VTI1A: variants seen among roughly 807,000 people sequenced by gnomAD.
VTI1A encodes the protein vesicle transport through interaction with t-SNAREs homolog 1A.
Under a neutral mutation model 34.9 loss-of-function variants are expected in VTI1A, and 22 were observed. The observed-to-expected ratio is 0.63, with a 90% CI of 0.45 to 0.90. VTI1A has a LOEUF of 0.90. Among genes scored for constraint, VTI1A ranks in the 40% least tolerant of loss-of-function variants. The pLI is 0.00. For missense variants in VTI1A, 268 were observed against 275.6 expected, an observed-to-expected ratio of 0.97 and a Z score of 0.20; for synonymous variants, 87 against 97.3, an observed-to-expected ratio of 0.89 and a Z score of 0.62.
intron 5 of VTI1A, among the ~76,000 whole-genome samples, chr10:112,571,776 T>TGTATAC (rs1852132985): frequency 1.3e-5 from 2 of 152,252 alleles, no homozygotes; most frequent in South Asian, 4.2e-4. Context: ...GAAAAGATGG[T>TGTATAC]GTATACGTAC....
intron 7 of VTI1A, among the ~76,000 whole-genome samples, chr10:112,763,438 CAAA>C (rs397714967): frequency 1.8e-5 from 2 of 108,976 alleles, no homozygotes; most frequent in Non-Finnish European, 3.8e-5. Flanking sequence ...GACACCATCT[CAAA>C]AAAAAAAAAA....
chr10:112,777,430 G>A (rs902194870), intron 7 of VTI1A, among the ~76,000 whole-genome samples: 1 of 152,184 alleles, frequency 6.6e-6, no homozygotes, highest in East Asian at 1.9e-4. Context: ...CAGGTGGGAG[G>A]ATGGAGACAG....
chr10:112,835,120 G>T, the VTI1A span, among the ~76,000 whole-genome samples: 1 of 152,120 alleles, frequency 6.6e-6, no homozygotes, highest in Non-Finnish European at 1.5e-5. Flanking sequence ...CTCATCTGGG[G>T]CTTGCTGCCC....
At chr10:112,798,965 A>C (rs1852772946) in intron 7 of VTI1A, among the ~76,000 whole-genome samples, 1 of 152,104 alleles carries the variant, frequency 6.6e-6, no homozygotes. Context: ...GGGGCTGCAG[A>C]TGTGTGGTCC....
chr10:112,508,807 C>A (rs935839539), intron 3 of VTI1A, among the ~76,000 whole-genome samples: 22 of 152,324 alleles, frequency 1.4e-4, no homozygotes, highest in Middle Eastern at 3.4e-3. Context: ...TATACAAGTA[C>A]TTTCTCCTGT....
chr10:112,545,946 A>G (rs898878668), intron 5 of VTI1A, among the ~76,000 whole-genome samples: 3 of 151,106 alleles, frequency 2.0e-5, no homozygotes, highest in African/African-American at 7.3e-5. Context: ...TTTTGCATGT[A>G]TATGTGTGTG....
At chr10:112,798,996 C>CT (rs1852775095) in intron 7 of VTI1A, among the ~76,000 whole-genome samples, 1 of 152,320 alleles carries the variant, frequency 6.6e-6, no homozygotes, top group Non-Finnish European at 1.5e-5. Flanking sequence ...TCTGCTTATG[C>CT]TTCTCGTGAG....
At position 112,680,272 on chromosome 10, in the gene VTI1A, CT is replaced by C. The variant is rs1462581240; in HGVS notation, c.560+11276del. Among the ~76,000 whole-genome samples, 4 of 152,196 alleles carry C rather than the reference CT, an allele frequency of 2.6e-5. No homozygotes were observed. The East Asian group carries it at 7.7e-4, about 29-fold the overall frequency. On this transcript the variant is annotated intron_variant, in intron 7 of 7. Transcript: ENST00000393077. ...CAGAACAATTACATTTATATGGGAC[CT>C]TATGGTTTGTAAGACACAGTCACAT...
chr10:112,838,262 G>T, the VTI1A span, among the ~76,000 whole-genome samples: 1 of 152,228 alleles, frequency 6.6e-6, no homozygotes, highest in Non-Finnish European at 1.5e-5. Context: ...GGAGGGCCTG[G>T]GACAGACCTC....
In VTI1A at chr10:112,645,944, T is replaced by G. The variant is rs570691776; in HGVS notation, c.428-22274T>G. ...AAGAAAGAACACCAATATACTGTGT[T>G]TTTTTTTTTTTTTTGGTTACCTGAT... On this transcript the variant is annotated intron_variant, in intron 5 of 7. Transcript: ENST00000393077. Among the ~76,000 whole-genome samples the G allele has an allele frequency of 9.8e-5, 11 of 112,528 alleles. No homozygotes were observed. The South Asian group carries it at 2.5e-3, about 26-fold the overall frequency. The allele number at this position is 112,528 out of a possible 152,430, so 73.8% of individuals were successfully genotyped here. A position where few individuals can be genotyped will look rare whatever the true frequency, so the allele number is the denominator to read the frequency against.
chr10:112,774,534 G>C (rs920036960), intron 7 of VTI1A, among the ~76,000 whole-genome samples: 1 of 152,118 alleles, frequency 6.6e-6, no homozygotes, highest in African/African-American at 2.4e-5. Flanking sequence ...GGCTTAGGCA[G>C]TAAATTAATC....
At position 112,805,855 on chromosome 10, in the gene VTI1A, A is replaced by G. The variant is rs1853054965; in HGVS notation, c.561-9435A>G. Among the ~76,000 whole-genome samples the G allele has an allele frequency of 3.9e-5, 6 of 152,184 alleles. No individual in the cohort carries two copies. In the South Asian group the frequency reaches 1.0e-3, roughly 26 times the overall value. Reference sequence around the variant, plus strand: ...AACCCTGCCGACACCTTGACCTTGGACTTCTGGCCTCCAGAACTGGGAGAC... The same window carrying G: ...AACCCTGCCGACACCTTGACCTTGGGCTTCTGGCCTCCAGAACTGGGAGAC... On this transcript the variant is annotated intron_variant, in intron 7 of 7. Transcript: ENST00000393077.
At chr10:112,539,258 GT>G (rs1850770077) in intron 5 of VTI1A, among the ~76,000 whole-genome samples, 1 of 152,156 alleles carries the variant, frequency 6.6e-6, no homozygotes, top group South Asian at 2.1e-4. Context: ...TCATAGAAAT[GT>G]TTATTTTGTA....
chr10:112,463,421 G>A (rs1351313898), intron 2 of VTI1A, among the ~76,000 whole-genome samples: 1 of 152,144 alleles, frequency 6.6e-6, no homozygotes, highest in Non-Finnish European at 1.5e-5. Context: ...CTGTGAAAAA[G>A]ACACTATTTT....
chr10:112,618,144 A>G (rs1845575252), intron 5 of VTI1A, among the ~76,000 whole-genome samples: 1 of 151,890 alleles, frequency 6.6e-6, no homozygotes, highest in South Asian at 2.1e-4. Context: ...ACAGAGTGAG[A>G]CTCCATCTCA....
intron 7 of VTI1A, among the ~76,000 whole-genome samples, chr10:112,811,511 T>C (rs1853297588): frequency 6.6e-6 from 1 of 150,746 alleles, no homozygotes; most frequent in Non-Finnish European, 1.5e-5. Flanking sequence ...TGAAACCCCG[T>C]CTCTACTAAA....
At chr10:112,714,578 T>C (rs566089341) in intron 7 of VTI1A, among the ~76,000 whole-genome samples, 1 of 152,360 alleles carries the variant, frequency 6.6e-6, no homozygotes, top group East Asian at 1.9e-4. Flanking sequence ...TCGGTTGTTT[T>C]TTCCCAAAAG....
At chr10:112,842,037 C>CTTTTTTTTT in the VTI1A span, among the ~76,000 whole-genome samples, 3 of 39,898 alleles carry the variant, frequency 7.5e-5, no homozygotes, top group African/African-American at 2.6e-4. Context: ...GAGTTCTTTT[C>CTTTTTTTTT]TTTTTTTTTT....
chr10:112,534,949 G>A (rs1405444383), intron 4 of VTI1A, among the ~76,000 whole-genome samples: 1 of 152,114 alleles, frequency 6.6e-6, no homozygotes, highest in African/African-American at 2.4e-5. Context: ...CTGAATTTAA[G>A]CAATGAGTAT....
Sources: allele counts gnomAD v4.1 joint callset (sites outside exome capture counted in the v4.1 genomes callset), GRCh38; gene constraint gnomAD v4.1.1; transcripts MANE v1.5; gene names NCBI Gene and HGNC (gene_info 2026-07-23, HGNC 2026-07-21).